Variants in PRR12 observed in about 807,000 individuals in gnomAD.
PRR12 encodes the protein proline rich 12.
A neutral mutation model predicts 138.0 loss-of-function variants in PRR12; 12 were observed. The ratio of observed to expected loss-of-function variants is 0.09; its 90% CI spans 0.06 to 0.14. The LOEUF (loss-of-function observed/expected upper bound fraction) is 0.14, where lower values mean the gene tolerates loss of function less well. Ranked by LOEUF, PRR12 falls within the 10% of genes least tolerant of loss-of-function variation. The pLI is 1.00. For missense variants in PRR12, 2,692 were observed against 2,861.3 expected (o/e 0.94, Z 1.35); for synonymous variants, 1,567 against 1,291.7 (o/e 1.21, Z -4.57).
intron 6 of PRR12, among the ~76,000 whole-genome samples, chr19:49,603,546 A>T (rs747583102): frequency 6.6e-6 from 1 of 151,936 alleles, no homozygotes; most frequent in Admixed American, 6.6e-5. Flanking sequence ...CAAAAAATTA[A>T]CTGGGCGTGG....
chr19:49,602,136 T>C (rs2080815766), intron 6 of PRR12, among the ~76,000 whole-genome samples: 1 of 152,170 alleles, frequency 6.6e-6, no homozygotes, highest in Admixed American at 6.5e-5. Context: ...TACCTGTATA[T>C]AAGGTAAAGC....
intron 4 of PRR12, among the ~76,000 whole-genome samples, chr19:49,598,275 C>T (rs1028234907): frequency 6.6e-6 from 1 of 151,874 alleles, no homozygotes; most frequent in East Asian, 2.0e-4. Context: ...GGGGTTTCAC[C>T]GTATTAGTCA....
At chr19:49,603,743 T>C (rs1231659980) in intron 6 of PRR12, among the ~76,000 whole-genome samples, 1 of 152,156 alleles carries the variant, frequency 6.6e-6, no homozygotes, top group Admixed American at 6.5e-5. Context: ...GTTGTTTTAA[T>C]TTAATCTTCG....
At chr19:49,623,161 C>T (rs1410213750) in intron 11 of PRR12, among the ~76,000 whole-genome samples, 1 of 151,648 alleles carries the variant, frequency 6.6e-6, no homozygotes, top group African/African-American at 2.4e-5. Flanking sequence ...TTCTGGGTAG[C>T]ATTAGGTTAT....
rs1190539178 is a variant in PRR12, at chr19:49,614,607, G to A, written c.4848G>A (p.Pro1616=). 10 of 1,564,914 alleles carry A rather than the reference G, an allele frequency of 6.4e-6. No individual in the cohort carries two copies. Among genetic ancestry groups the A allele is most frequent in the South Asian group, 3.5e-5 (3 of 84,866 alleles). The change falls in exon 7 of 14, where the codon CCG becomes CCA. Residue 1616 remains proline (P), a synonymous_variant. Coordinates refer to ENST00000418929, the MANE Select transcript of PRR12 (RefSeq NM_020719.3). The surrounding 1 kb of genome is among the most constrained non-coding windows in gnomAD (Gnocchi z 5.0). ...AGGCCCTTCTGCAGAAATTCACTCC[G>A]GAGATCAAGGACGGCCAGAGGCAGT... ...VQKALLQKFT[P]EIKDGQRQFC... is the part of the protein sequence containing the mutation.
At chr19:49,610,986 G>A (rs1253404211) in intron 6 of PRR12, among the ~76,000 whole-genome samples, 1 of 151,608 alleles carries the variant, frequency 6.6e-6, no homozygotes, top group Non-Finnish European at 1.5e-5. Context: ...GGGACTACAG[G>A]CATGCACCAT....
At chr19:49,611,187 G>C (rs1208188177) in intron 6 of PRR12, among the ~76,000 whole-genome samples, 1 of 152,086 alleles carries the variant, frequency 6.6e-6, no homozygotes, top group African/African-American at 2.4e-5. Context: ...TCCAGGAGTG[G>C]TGGCGCATAC....
chr19:49,603,276 GTCAGCCCATTCTCAC>G (rs373406277), intron 6 of PRR12, among the ~76,000 whole-genome samples: 66 of 152,392 alleles, frequency 4.3e-4, no homozygotes, highest in African/African-American at 1.5e-3. Flanking sequence ...TGCTCAGGAG[GTCAGCCCATTCTCAC>G]CCTGATGGTG....
In PRR12 at chr19:49,599,192, T is replaced by G; in HGVS notation, c.3679-80T>G. 7.3e-7 allele frequency: 1 copy of G among 1,370,138 alleles called. No homozygotes were observed. The highest frequency in any genetic ancestry group is 9.7e-7 in the Non-Finnish European group (1 of 1,031,948). The allele number at this position is 1,370,138 out of a possible 1,614,324, so 84.9% of individuals were successfully genotyped here. On this transcript the variant is annotated intron_variant, in intron 4 of 13. Transcript: ENST00000418929. The surrounding 1 kb of genome is among the most constrained non-coding windows in gnomAD (Gnocchi z 5.0). ...TTCACAGGCTGAGCACCTGTAAATT[T>G]GGATTTTTGGGGGCTGAGGGAGGAT...
Position 49,597,001 on chromosome 19 carries a change from C to T in PRR12, c.2666C>T (p.Pro889Leu), listed in dbSNP as rs1013640722. 1.3e-6 allele frequency: 2 copies of T among 1,558,158 alleles called. No individual in the cohort carries two copies. The highest frequency in any genetic ancestry group is 1.7e-6 in the Non-Finnish European group (2 of 1,154,446). The change falls in exon 4 of 14, where the codon CCG becomes CTG. Residue 889 changes from proline (P) to leucine (L), a missense_variant. Pro to Leu is a moderately conservative substitution (Grantham distance 98, BLOSUM62 -3). Transcript: ENST00000418929. This position sits in a 1 kb window ranked among gnomAD's most constrained non-coding sequence, Gnocchi z 6.3. ...CAGGAATTGCTCGGGGCTCTGGAGC[C>T]GCTGCCCCCGGCGCCTGGGGATACT... is the stretch of plus-strand genomic sequence containing the variant. The part of the protein sequence containing the change: ...AMQELLGALE[P>L]LPPAPGDTGV...
At chr19:49,607,148 A>G (rs2080842683) in intron 6 of PRR12, among the ~76,000 whole-genome samples, 1 of 151,920 alleles carries the variant, frequency 6.6e-6, no homozygotes, top group African/African-American at 2.4e-5. Flanking sequence ...AAAAAGAAAG[A>G]AAGAAATTAG....
At position 49,594,189 on chromosome 19, in the gene PRR12, C is replaced by T. The variant is rs769388419; in HGVS notation, c.200-265C>T. Among the ~76,000 whole-genome samples, 1 of 152,172 alleles carries T rather than the reference C, an allele frequency of 6.6e-6. No individual in the cohort carries two copies. The highest frequency in any genetic ancestry group is 1.5e-5 in the Non-Finnish European group (1 of 68,018). ...TCTTTCGCTTCTAGATTTTTCTACA[C>T]TTTTGTCTACCATTTCCTACCTGGG... On this transcript the variant is annotated intron_variant, in intron 2 of 13. Coordinates refer to ENST00000418929, the MANE Select transcript of PRR12 (RefSeq NM_020719.3). The surrounding 1 kb of genome is among the most constrained non-coding windows in gnomAD (Gnocchi z 5.6).
intron 9 of PRR12, among the ~76,000 whole-genome samples, chr19:49,620,137 C>T (rs951434170): frequency 6.6e-6 from 1 of 152,204 alleles, no homozygotes. Context: ...GCGTGAGCCA[C>T]TGTGCCTGGC....
At chr19:49,604,849 G>A (rs1038414134) in intron 6 of PRR12, among the ~76,000 whole-genome samples, 17 of 151,980 alleles carry the variant, frequency 1.1e-4, no homozygotes, top group Non-Finnish European at 2.4e-4. Flanking sequence ...TCTGATTGGG[G>A]ATTTCTATGC....
At chr19:49,610,219 C>T (rs1395622877) in intron 6 of PRR12, among the ~76,000 whole-genome samples, 1 of 152,168 alleles carries the variant, frequency 6.6e-6, no homozygotes, top group South Asian at 2.1e-4. Context: ...AGGTGATCCG[C>T]CTGCCTCGGC....
rs1472002010 is a variant in PRR12 at position 49,594,938 on chromosome 19, T to C, written c.603T>C (p.Ser201=). The C allele has an allele frequency of 6.2e-7, 1 of 1,603,588 alleles. No homozygotes were observed. ...LKPSQAPTVP[S]SLGFERLAGG... Reference sequence around the variant, plus strand: ...CCTCGCAGGCACCCACGGTGCCCTCTTCACTGGGCTTCGAGCGCCTGGCAG... The same window carrying C: ...CCTCGCAGGCACCCACGGTGCCCTCCTCACTGGGCTTCGAGCGCCTGGCAG... The change falls in exon 4 of 14, where the codon TCT becomes TCC. Residue 201 remains serine, a synonymous_variant. Transcript: ENST00000418929. The surrounding 1 kb of genome is among the most constrained non-coding windows in gnomAD (Gnocchi z 5.6).
At position 49,621,631 on chromosome 19, in the gene PRR12, G is replaced by T; in HGVS notation, c.5721+9G>T. 1 of 1,579,292 alleles carries T rather than the reference G, an allele frequency of 6.3e-7. No homozygotes were observed. Among genetic ancestry groups the T allele is most frequent in the East Asian group, 2.3e-5 (1 of 43,052 alleles). ...TAAGCCCAGCCCTGCAGGTGCCTGG[G>T]GGTCTGGGCAGGGGGTGTCTGGGGC... On this transcript the variant is annotated intron_variant, in intron 11 of 13. Transcript: ENST00000418929.
At chr19:49,598,142 C>T in intron 4 of PRR12, 129 bp downstream of exon 4, 3 of 1,057,652 alleles carry the variant, frequency 2.8e-6, no homozygotes, top group Non-Finnish European at 3.6e-6. Flanking sequence ...GGCACGATCT[C>T]GGTTCACTGC....
intron 6 of PRR12, among the ~76,000 whole-genome samples, chr19:49,613,791 A>G (rs2080878272): frequency 6.6e-6 from 1 of 152,122 alleles, no homozygotes; most frequent in Non-Finnish European, 1.5e-5. Context: ...ATACCAGAAT[A>G]CCATAGACTG....
Sources: gnomAD v4.1 joint callset for allele counts (sites outside exome capture counted in the v4.1 genomes callset) on GRCh38, gnomAD v4.1.1 for gene constraint, Gnocchi (gnomAD v3.1) non-coding constraint, MANE v1.5 for transcripts, NCBI Gene and HGNC (gene_info 2026-07-23, HGNC 2026-07-21) for gene names.